ZNF609: variants seen among roughly 807,000 people sequenced by gnomAD.
ZNF609 encodes zinc finger protein 609.
A neutral mutation model predicts 109.5 loss-of-function variants in ZNF609; 11 were observed. That is an observed-to-expected ratio of 0.10 (90% CI 0.06 to 0.17). The LOEUF is 0.17. ZNF609 is among the 10% of genes least tolerant of loss of function. The pLI is 1.00. For missense variants in ZNF609, 1,559 were observed against 1,772.4 expected, an observed-to-expected ratio of 0.88 and a Z score of 2.16; for synonymous variants, 646 against 662.0, an observed-to-expected ratio of 0.98 and a Z score of 0.37.
At chr15:64,567,607 A>G (rs1202826798) in intron 2 of ZNF609, among the ~76,000 whole-genome samples, 1 of 152,206 alleles carries the variant, frequency 6.6e-6, no homozygotes, top group Non-Finnish European at 1.5e-5. Context: ...AATATGATGG[A>G]TTAATTATCT....
intron 1 of ZNF609, among the ~76,000 whole-genome samples, chr15:64,467,494 T>C (rs1263701922): frequency 6.6e-6 from 1 of 152,236 alleles, no homozygotes; most frequent in African/African-American, 2.4e-5. Context: ...AGGAGGTACA[T>C]TTGATGAAAA....
At chr15:64,606,152 C>T (rs909552331) in intron 2 of ZNF609, among the ~76,000 whole-genome samples, 2 of 151,546 alleles carry the variant, frequency 1.3e-5, no homozygotes, top group Non-Finnish European at 2.9e-5. Context: ...CTCACTCTGT[C>T]ACCCAGGCTG....
chr15:64,627,651 CTTTT>C (rs200066648), intron 3 of ZNF609, among the ~76,000 whole-genome samples: 1 of 103,844 alleles, frequency 9.6e-6, no homozygotes, highest in Non-Finnish European at 2.1e-5. Context: ...CTTTTTAGTT[CTTTT>C]TTTCTTTCTT....
chr15:64,596,586 A>G (rs1420085230), intron 2 of ZNF609, among the ~76,000 whole-genome samples: 1 of 152,146 alleles, frequency 6.6e-6, no homozygotes, highest in Non-Finnish European at 1.5e-5. Context: ...TAGAGATGCC[A>G]TCTCTGATTA....
intron 2 of ZNF609, among the ~76,000 whole-genome samples, chr15:64,622,136 G>A (rs1895885863): frequency 6.6e-6 from 1 of 152,122 alleles, no homozygotes; most frequent in South Asian, 2.1e-4. Flanking sequence ...TAAATTTGAT[G>A]TTAGAATTAT....
chr15:64,656,714 C>T (rs564877978), intron 3 of ZNF609, among the ~76,000 whole-genome samples: 1 of 150,700 alleles, frequency 6.6e-6, no homozygotes, highest in Non-Finnish European at 1.5e-5. Context: ...TCCTCCCTTC[C>T]TTCCTCTTTT....
At chr15:64,511,716 T>A (rs1458616789) in intron 2 of ZNF609, among the ~76,000 whole-genome samples, 4 of 145,350 alleles carry the variant, frequency 2.8e-5, no homozygotes, top group African/African-American at 1.0e-4. Context: ...AGCATGTAAT[T>A]TTTTTTTTTT....
chr15:64,481,331 T>C (rs1053815815), intron 1 of ZNF609, among the ~76,000 whole-genome samples: 1 of 150,184 alleles, frequency 6.7e-6, no homozygotes, highest in African/African-American at 2.4e-5. Flanking sequence ...TTTTTTTTTT[T>C]TTTTTTGAGA....
At position 64,675,954 on chromosome 15, in the gene ZNF609, G is replaced by A. The variant is rs1308578647; in HGVS notation, c.3100G>A (p.Ala1034Thr). 6.2e-7 allele frequency: 1 copy of A among 1,614,204 alleles called. No individual in the cohort carries two copies. Among genetic ancestry groups the A allele is most frequent in the Non-Finnish European group, 8.5e-7 (1 of 1,180,026 alleles). ...AGAGATGGGCCTGAAGGAGCGGGAGGCAGCACTCAAGGAAGAGTGGAAGCA... is the reference window on the plus strand; with the variant it reads ...AGAGATGGGCCTGAAGGAGCGGGAGACAGCACTCAAGGAAGAGTGGAAGCA... The part of the protein sequence containing the change: ...KAEMGLKERE[A>T]ALKEEWKQKP... Residue 1034 changes from alanine (A) to threonine (T), a missense_variant, in exon 5 of 10, where the codon GCA (alanine) becomes ACA (threonine). Ala to Thr is a moderately conservative substitution (Grantham distance 58). This residue lies in a region of ZNF609 where 1,204 missense variants were observed against 1,314.1 expected (regional missense o/e 0.92). Transcript: ENST00000326648.
chr15:64,633,859 C>A (rs1191113039), intron 3 of ZNF609, among the ~76,000 whole-genome samples: 2 of 149,598 alleles, frequency 1.3e-5, no homozygotes, highest in East Asian at 3.9e-4. Flanking sequence ...CCAGCCTGGG[C>A]AACAGAGTGA....
At chr15:64,527,660 C>A (rs974303285) in intron 2 of ZNF609, among the ~76,000 whole-genome samples, 1 of 152,170 alleles carries the variant, frequency 6.6e-6, no homozygotes, top group African/African-American at 2.4e-5. Flanking sequence ...AAGTCCACCT[C>A]TCTCCATTCC....
At chr15:64,548,860 G>A (rs923461864) in intron 2 of ZNF609, among the ~76,000 whole-genome samples, 1 of 152,170 alleles carries the variant, frequency 6.6e-6, no homozygotes, top group Admixed American at 6.5e-5. Context: ...CAACCTACTT[G>A]AGATGAAATA....
intron 2 of ZNF609, among the ~76,000 whole-genome samples, chr15:64,601,853 T>C (rs989139762): frequency 1.3e-5 from 2 of 152,220 alleles, no homozygotes; most frequent in African/African-American, 4.8e-5. Context: ...TCCTTGGCCT[T>C]CTAAGCTTCT....
chr15:64,561,153 A>G (rs1350342687), intron 2 of ZNF609, among the ~76,000 whole-genome samples: 2 of 152,206 alleles, frequency 1.3e-5, no homozygotes, highest in Non-Finnish European at 2.9e-5. Context: ...CCCAGTACTC[A>G]GCTTATTCAG....
Position 64,678,363 on chromosome 15 carries a change from C to T in ZNF609, c.3650C>T (p.Pro1217Leu), listed in dbSNP as rs1896836710. 1 of 1,613,996 alleles carries T rather than the reference C, an allele frequency of 6.2e-7. No individual in the cohort carries two copies. The highest frequency in any genetic ancestry group is 8.5e-7 in the Non-Finnish European group (1 of 1,180,024). The change falls in exon 6 of 10, where the codon CCA becomes CTA. Residue 1217 changes from proline (P) to leucine (L), a missense_variant. By Grantham distance (98) the Pro-to-Leu change is moderately conservative (BLOSUM62 -3). Transcript: ENST00000326648. Reference protein sequence around the residue: ...RPSVHVPVSSPLTQHQSYIPY... With the variant: ...RPSVHVPVSSLLTQHQSYIPY... ...AGTGTCCATGTGCCTGTGTCCTCCC[C>T]ACTTACCCAGCACCAGTCCTACATC...
intron 2 of ZNF609, among the ~76,000 whole-genome samples, chr15:64,614,183 A>C (rs1357310805): frequency 6.6e-6 from 1 of 151,488 alleles, no homozygotes; most frequent in East Asian, 1.9e-4. Context: ...GGACTCCCAA[A>C]GTGCTGGGAT....
chr15:64,562,169 C>T (rs1006263939), intron 2 of ZNF609, among the ~76,000 whole-genome samples: 1 of 152,208 alleles, frequency 6.6e-6, no homozygotes. Flanking sequence ...CTCTTAAGTA[C>T]AAGCCTATTT....
chr15:64,539,140 A>G (rs1412230224), intron 2 of ZNF609, among the ~76,000 whole-genome samples: 1 of 151,498 alleles, frequency 6.6e-6, no homozygotes, highest in African/African-American at 2.4e-5. Flanking sequence ...AGTAGCTGAG[A>G]CTGCAGGCGC....
chr15:64,676,695 G>A (rs1276033313), intron 5 of ZNF609, among the ~76,000 whole-genome samples: 2 of 151,560 alleles, frequency 1.3e-5, no homozygotes, highest in African/African-American at 4.9e-5. Flanking sequence ...CAGCCTCCCA[G>A]AGTGCTGGGA....
Sources: gnomAD v4.1 joint callset for allele counts (sites outside exome capture counted in the v4.1 genomes callset) on GRCh38, gnomAD v4.1.1 for gene constraint, gnomAD v4.1.1 regional missense constraint, MANE v1.5 for transcripts, NCBI Gene and HGNC (gene_info 2026-07-23, HGNC 2026-07-21) for gene names.